Variants in ILDR1 observed in about 807,000 individuals in gnomAD.
ILDR1 encodes the protein immunoglobulin-like domain-containing receptor 1.
A neutral mutation model predicts 62.4 loss-of-function variants in ILDR1; 56 were observed. The ratio of observed to expected loss-of-function variants is 0.90; its 90% confidence interval spans 0.72 to 1.12. ILDR1 has a LOEUF of 1.12. Among genes scored for constraint, ILDR1 ranks in the 50% most tolerant of loss-of-function variants. The pLI is 0.00. For missense variants in ILDR1, 736 were observed against 710.6 expected, an observed-to-expected ratio of 1.04 and a Z score of -0.41; for synonymous variants, 284 against 277.8, an observed-to-expected ratio of 1.02 and a Z score of -0.22.
the ILDR1 span, among the ~76,000 whole-genome samples, chr3:122,028,223 C>G: frequency 6.6e-6 from 1 of 151,326 alleles, no homozygotes; most frequent in African/African-American, 2.4e-5. Context: ...GTAGTCCCAG[C>G]TACTCAGGAG....
chr3:122,012,741 T>C (rs1192656197), intron 1 of ILDR1, among the ~76,000 whole-genome samples: 2 of 152,252 alleles, frequency 1.3e-5, no homozygotes, highest in African/African-American at 4.8e-5. Flanking sequence ...ATCATTTGTA[T>C]CATTTGTACT....
chr3:122,007,543 G>C (rs1007534984), intron 1 of ILDR1, among the ~76,000 whole-genome samples: 7 of 152,152 alleles, frequency 4.6e-5, no homozygotes, highest in African/African-American at 1.7e-4. Flanking sequence ...CGTTTCCTAA[G>C]GATAAAGTTC....
At chr3:122,033,503 A>G in the ILDR1 span, among the ~76,000 whole-genome samples, 3 of 151,938 alleles carry the variant, frequency 2.0e-5, no homozygotes, top group Non-Finnish European at 4.4e-5. Flanking sequence ...ATTTTAATAA[A>G]GTTTAATTTA....
chr3:122,036,890 T>G, the ILDR1 span, among the ~76,000 whole-genome samples: 1 of 152,330 alleles, frequency 6.6e-6, no homozygotes, highest in Non-Finnish European at 1.5e-5. Context: ...TATGGCACCC[T>G]GCATCCCAGC....
At chr3:122,026,576 C>T (rs1023238473), upstream of ILDR1, among the ~76,000 whole-genome samples, 1 of 152,190 alleles carries the variant, frequency 6.6e-6, no homozygotes, top group African/African-American at 2.4e-5. Context: ...CAAAATAAAA[C>T]TCCTAAGGAT....
At chr3:122,048,762 A>G in the ILDR1 span, among the ~76,000 whole-genome samples, 2 of 152,072 alleles carry the variant, frequency 1.3e-5, no homozygotes, top group Non-Finnish European at 2.9e-5. Context: ...TGTGGCATCA[A>G]TTGCAATGTC....
intron 7 of ILDR1, 143 bp downstream of exon 7, chr3:121,993,007 A>C: frequency 1.4e-6 from 1 of 731,360 alleles, no homozygotes; most frequent in Middle Eastern, 3.6e-4. Context: ...TAGTCCACCT[A>C]GCCCACAGTG....
At chr3:122,025,824 A>G (rs554858555), upstream of ILDR1, among the ~76,000 whole-genome samples, 3 of 152,368 alleles carry the variant, frequency 2.0e-5, no homozygotes, top group East Asian at 5.8e-4. Flanking sequence ...AAGTGTAAGT[A>G]GCTGATTGAC....
the ILDR1 span, among the ~76,000 whole-genome samples, chr3:122,037,062 G>A: frequency 3.6e-4 from 55 of 152,368 alleles, no homozygotes; most frequent in East Asian, 9.7e-3. Flanking sequence ...AGATTTCAGA[G>A]GATGTATGGA....
the ILDR1 span, among the ~76,000 whole-genome samples, chr3:122,051,409 T>C: frequency 2.3e-4 from 35 of 152,108 alleles, no homozygotes; most frequent in Non-Finnish European, 4.0e-4. Flanking sequence ...ATCAAGTCTG[T>C]AGTTGAACCC....
chr3:122,016,245 G>C (rs2071775197), intron 1 of ILDR1, among the ~76,000 whole-genome samples: 1 of 152,238 alleles, frequency 6.6e-6, no homozygotes, highest in East Asian at 1.9e-4. Flanking sequence ...TCTTCTGACT[G>C]AGCAAAATCC....
chr3:122,026,002 A>C (rs4350947), upstream of ILDR1, among the ~76,000 whole-genome samples: 39,682 of 151,940 alleles, frequency 0.26, 5,595 homozygotes, highest in Admixed American at 0.38. Context: ...TGCCAGAGCA[A>C]TCCAAGCAGA....
chr3:122,047,272 C>T, the ILDR1 span, among the ~76,000 whole-genome samples: 9 of 152,242 alleles, frequency 5.9e-5, no homozygotes, highest in African/African-American at 7.2e-5. Context: ...GGCAGTCTGC[C>T]GGTTCTCAGA....
the ILDR1 span, among the ~76,000 whole-genome samples, chr3:122,038,713 A>G: frequency 1.3e-5 from 2 of 152,198 alleles, no homozygotes; most frequent in African/African-American, 2.4e-5. Context: ...AAATAGCTAT[A>G]ATTAATATAT....
the ILDR1 span, among the ~76,000 whole-genome samples, chr3:122,031,755 C>T: frequency 3.9e-5 from 6 of 152,188 alleles, no homozygotes; most frequent in African/African-American, 1.2e-4. Flanking sequence ...TCTTGGACTT[C>T]ACAGCCTTCA....
chr3:122,052,716 G>C, the ILDR1 span, among the ~76,000 whole-genome samples: 14 of 152,324 alleles, frequency 9.2e-5, no homozygotes, highest in Admixed American at 5.2e-4. Context: ...TGGGAGGAAT[G>C]TGCCAGCATG....
At chr3:122,054,455 A>G in the ILDR1 span, among the ~76,000 whole-genome samples, 1 of 152,228 alleles carries the variant, frequency 6.6e-6, no homozygotes, top group East Asian at 1.9e-4. Context: ...TTGACACTTA[A>G]CTGGCATCTT....
chr3:122,030,122 C>G, the ILDR1 span, among the ~76,000 whole-genome samples: 5 of 151,916 alleles, frequency 3.3e-5, no homozygotes, highest in East Asian at 9.7e-4. Flanking sequence ...CCAAAAGCCA[C>G]TTATAAAACC....
intron 1 of ILDR1, among the ~76,000 whole-genome samples, chr3:122,015,924 T>C (rs990422027): frequency 6.6e-6 from 1 of 152,218 alleles, no homozygotes; most frequent in Non-Finnish European, 1.5e-5. Flanking sequence ...TGGTTCCCCC[T>C]GCTAGGTGGA....
Sources: gnomAD v4.1 joint callset for allele counts (sites outside exome capture counted in the v4.1 genomes callset) on GRCh38, gnomAD v4.1.1 for gene constraint, MANE v1.5 for transcripts, NCBI Gene and HGNC (gene_info 2026-07-23, HGNC 2026-07-21) for gene names.